Variants in SATB2 observed in about 807,000 individuals in gnomAD.
SATB2 encodes SATB homeobox 2, also known as DNA-binding protein SATB2.
Under a neutral mutation model 73.4 loss-of-function variants are expected in SATB2, and 1 was observed. The observed-to-expected ratio is 0.01, with a 90% CI of 0.00 to 0.06. The LOEUF (loss-of-function observed/expected upper bound fraction) is 0.06. Among genes scored for constraint, SATB2 ranks in the 10% least tolerant of loss-of-function variants. The pLI is 1.00. For synonymous variants in SATB2, 397 were observed against 367.0 expected, an observed-to-expected ratio of 1.08 and a Z score of -0.93; for missense variants, 459 against 945.8, an observed-to-expected ratio of 0.49 and a Z score of 6.75.
At chr2:199,435,622 G>A (rs1691632201) in intron 2 of SATB2, among the ~76,000 whole-genome samples, 1 of 152,136 alleles carries the variant, frequency 6.6e-6, no homozygotes. Flanking sequence ...GGGATTACAG[G>A]CATGAGCCAC....
chr2:199,450,609 C>A (rs910647301), intron 2 of SATB2, among the ~76,000 whole-genome samples: 1 of 151,730 alleles, frequency 6.6e-6, no homozygotes, highest in African/African-American at 2.4e-5. Flanking sequence ...CAACAGAAAC[C>A]TAAAAAGCTT....
chr2:199,410,472 G>A (rs1690778387), intron 3 of SATB2, among the ~76,000 whole-genome samples: 1 of 152,206 alleles, frequency 6.6e-6, no homozygotes, highest in Admixed American at 6.5e-5. Context: ...TAGAACAGGA[G>A]TACATTTGTG....
intron 10 of SATB2, among the ~76,000 whole-genome samples, chr2:199,284,721 T>C (rs989264299): frequency 5.3e-5 from 8 of 152,104 alleles, no homozygotes. Flanking sequence ...GCATTTATAG[T>C]TGGCCCACCA....
At chr2:199,338,561 T>C (rs957714964) in intron 7 of SATB2, among the ~76,000 whole-genome samples, 3 of 152,132 alleles carry the variant, frequency 2.0e-5, no homozygotes, top group African/African-American at 7.2e-5. Flanking sequence ...CAGAGAAGCC[T>C]GAATTTTCTA....
chr2:199,334,016 T>A (rs1171383453), intron 7 of SATB2, among the ~76,000 whole-genome samples: 2 of 152,150 alleles, frequency 1.3e-5, no homozygotes, highest in African/African-American at 4.8e-5. Context: ...AACTGGTAAC[T>A]TGCAATGCTC....
intron 10 of SATB2, among the ~76,000 whole-genome samples, chr2:199,297,523 T>A (rs1017271146): frequency 3.3e-5 from 5 of 152,198 alleles, no homozygotes; most frequent in African/African-American, 1.2e-4. Flanking sequence ...TGTCACTTCA[T>A]ATCCTAATTC....
Position 199,272,295 on chromosome 2 carries a change from G to T in SATB2, c.2118C>A (p.Gly706=), listed in dbSNP as rs758752215. 6.2e-7 allele frequency: 1 copy of T among 1,614,152 alleles called. No individual in the cohort carries two copies. Among genetic ancestry groups the T allele is most frequent in the South Asian group, 1.1e-5 (1 of 91,076 alleles). Residue 706 remains glycine (G), a synonymous_variant, in exon 11 of 11, where the codon GGC becomes GGA. Coordinates refer to ENST00000417098, the MANE Select transcript of SATB2 (RefSeq NM_001172509.2). The surrounding 1 kb of genome is among the most constrained non-coding windows in gnomAD (Gnocchi z 6.7). The part of the protein sequence containing the change: ...TESEENDSEE[G]SEEMYKVEAE... The stretch of plus-strand genomic sequence containing the variant: ...CCTCCACTTTGTACATCTCCTCGGA[G>T]CCTTCCTCGCTGTCGTTCTCCTCTG...
chr2:199,335,626 A>G (rs1166867900), intron 7 of SATB2, among the ~76,000 whole-genome samples: 1 of 152,206 alleles, frequency 6.6e-6, no homozygotes, highest in Non-Finnish European at 1.5e-5. Context: ...CAACAAATGC[A>G]TATTTTTTAA....
At chr2:199,300,433 C>T (rs571541884) in intron 10 of SATB2, among the ~76,000 whole-genome samples, 1 of 150,574 alleles carries the variant, frequency 6.6e-6, no homozygotes, top group South Asian at 2.1e-4. Flanking sequence ...GCTTCATTTA[C>T]TCTCACCAGA....
chr2:199,275,702 T>C (rs939182156), intron 10 of SATB2, among the ~76,000 whole-genome samples: 2 of 152,170 alleles, frequency 1.3e-5, no homozygotes, highest in Non-Finnish European at 2.9e-5. Flanking sequence ...AAATATATAG[T>C]TTCTGGTCAG....
chr2:199,283,084 C>CTTTT (rs1159061582), intron 10 of SATB2, among the ~76,000 whole-genome samples: 1 of 140,552 alleles, frequency 7.1e-6, no homozygotes, highest in African/African-American at 2.6e-5. Flanking sequence ...TAAACATAAA[C>CTTTT]TTTTTTTTTT....
intron 9 of SATB2, among the ~76,000 whole-genome samples, chr2:199,321,093 G>C (rs1428990816): frequency 1.3e-5 from 2 of 152,048 alleles, no homozygotes; most frequent in Non-Finnish European, 2.9e-5. Flanking sequence ...AAGGAGGGAA[G>C]AAAATGCAAG....
At chr2:199,409,167 C>CTTTTTTTTTTTT (rs67330007) in intron 3 of SATB2, among the ~76,000 whole-genome samples, 197 of 115,122 alleles carry the variant, frequency 1.7e-3, no homozygotes, top group East Asian at 2.5e-3. Context: ...TTTTTCTTTT[C>CTTTTTTTTTTTT]TTTTTTTTTT....
intron 7 of SATB2, 164 bp downstream of exon 7, chr2:199,348,537 C>T: frequency 2.9e-6 from 2 of 684,978 alleles, no homozygotes; most frequent in Non-Finnish European, 5.1e-6. Flanking sequence ...CATGGTCATG[C>T]ATGGATCAAT....
intron 10 of SATB2, among the ~76,000 whole-genome samples, chr2:199,299,701 A>G (rs772298072): frequency 1.3e-5 from 2 of 152,218 alleles, no homozygotes; most frequent in Non-Finnish European, 2.9e-5. Flanking sequence ...AACTCCACAA[A>G]TATTTGTTGA....
intron 7 of SATB2, among the ~76,000 whole-genome samples, chr2:199,332,503 T>C (rs1341951223): frequency 2.0e-5 from 3 of 152,110 alleles, no homozygotes; most frequent in Non-Finnish European, 4.4e-5. Flanking sequence ...AAGTACGAAA[T>C]GAGCAATAAC....
chr2:199,350,324 G>A (rs750293038), intron 6 of SATB2, among the ~76,000 whole-genome samples: 3 of 151,512 alleles, frequency 2.0e-5, no homozygotes, highest in Non-Finnish European at 4.4e-5. Context: ...ATAGTTAACC[G>A]TGACAGAATC....
intron 10 of SATB2, among the ~76,000 whole-genome samples, chr2:199,303,799 G>C (rs1352163634): frequency 3.3e-5 from 5 of 152,130 alleles, no homozygotes; most frequent in Non-Finnish European, 7.4e-5. Flanking sequence ...CAAGTCAAGG[G>C]ACAATGCTGG....
chr2:199,406,160 T>C, intron 3 of SATB2, among the ~76,000 whole-genome samples: 1 of 152,078 alleles, frequency 6.6e-6, no homozygotes, highest in East Asian at 1.9e-4. Flanking sequence ...TGAGCATCCT[T>C]GATATGTTGA....
Sources: gnomAD v4.1 joint callset for allele counts (sites outside exome capture counted in the v4.1 genomes callset) on GRCh38, gnomAD v4.1.1 for gene constraint, Gnocchi (gnomAD v3.1) non-coding constraint, MANE v1.5 for transcripts, NCBI Gene and HGNC (gene_info 2026-07-23, HGNC 2026-07-21) for gene names.